COL26A1: variants seen among roughly 807,000 people sequenced by gnomAD.
COL26A1 encodes collagen alpha-1(XXVI) chain.
A neutral mutation model predicts 59.3 loss-of-function variants in COL26A1; 41 were observed. That is an observed-to-expected ratio of 0.69 (90% CI 0.54 to 0.90). The LOEUF (loss-of-function observed/expected upper bound fraction) is 0.90. Among genes scored for constraint, COL26A1 ranks in the 40% least tolerant of loss-of-function variants. The pLI, the probability that COL26A1 is intolerant of heterozygous loss-of-function variation, is 0.00. For synonymous variants in COL26A1, 266 were observed against 256.0 expected (o/e 1.04, Z -0.37); for missense variants, 612 against 602.3 (o/e 1.02, Z -0.17).
chr7:101,433,532 AC>A (rs1469893018), intron 2 of COL26A1, among the ~76,000 whole-genome samples: 1 of 152,024 alleles, frequency 6.6e-6, no homozygotes, highest in Non-Finnish European at 1.5e-5. Context: ...CTTCTGAGAC[AC>A]CCCATAGGAT....
intron 3 of COL26A1, among the ~76,000 whole-genome samples, chr7:101,518,682 C>G (rs141506280): frequency 1.3e-5 from 2 of 152,304 alleles, no homozygotes; most frequent in Non-Finnish European, 2.9e-5. Flanking sequence ...GAAATCCACC[C>G]AAGAGAAGCA....
intron 3 of COL26A1, among the ~76,000 whole-genome samples, chr7:101,470,106 GT>G (rs1414523604): frequency 9.0e-4 from 129 of 143,710 alleles, no homozygotes; most frequent in Non-Finnish European, 1.3e-3. Flanking sequence ...CTTTTTTTTT[GT>G]TTTTTTTTTT....
intron 3 of COL26A1, among the ~76,000 whole-genome samples, chr7:101,479,615 A>G (rs1197852119): frequency 6.6e-6 from 1 of 152,182 alleles, no homozygotes; most frequent in Non-Finnish European, 1.5e-5. Flanking sequence ...TTACTTACCC[A>G]TTTAAGACTC....
chr7:101,434,012 A>G, intron 2 of COL26A1, among the ~76,000 whole-genome samples: 1 of 141,558 alleles, frequency 7.1e-6, no homozygotes, highest in South Asian at 2.2e-4. Context: ...TTCTTTGTGG[A>G]TTTTCCCATC....
At chr7:101,474,076 C>G (rs1265891646) in intron 3 of COL26A1, among the ~76,000 whole-genome samples, 1 of 152,126 alleles carries the variant, frequency 6.6e-6, no homozygotes, top group African/African-American at 2.4e-5. Context: ...GCTGGCAAAG[C>G]CCTGAGCCCT....
chr7:101,527,088 A>T (rs986119075), intron 3 of COL26A1, among the ~76,000 whole-genome samples: 5 of 151,840 alleles, frequency 3.3e-5, no homozygotes, highest in Non-Finnish European at 7.4e-5. Context: ...CTCCCACCTC[A>T]GCCTCCTGAG....
At chr7:101,460,399 A>G (rs1370514688) in intron 3 of COL26A1, among the ~76,000 whole-genome samples, 1 of 152,070 alleles carries the variant, frequency 6.6e-6, no homozygotes, top group African/African-American at 2.4e-5. Context: ...TTCACCATGC[A>G]TCCTCTCTCT....
At chr7:101,380,297 T>G (rs958188213) in intron 1 of COL26A1, among the ~76,000 whole-genome samples, 1 of 149,936 alleles carries the variant, frequency 6.7e-6, no homozygotes, top group Non-Finnish European at 1.5e-5. Context: ...GCTACATTTT[T>G]TTTTTTTTTT....
chr7:101,447,574 G>A (rs1793228305), intron 2 of COL26A1, 110 bp from the exon 3 acceptor site: 1 of 700,002 alleles, frequency 1.4e-6, no homozygotes, highest in African/African-American at 1.8e-5. Context: ...CGCCATGGGG[G>A]CCTCCCGGAG....
In COL26A1 at chr7:101,483,675, C is replaced by CTTT. The variant is rs34954444; in HGVS notation, c.385+35889_385+35891dup. On this transcript the variant is annotated intron_variant, in intron 3 of 12. Transcript: ENST00000313669. The stretch of plus-strand genomic sequence containing the variant: ...GATGCATGCCACCATGTCCAGCTAA[C>CTTT]TTTGTTTTTTTTTTGAGACAGTGTC... Among the ~76,000 whole-genome samples the CTTT allele has an allele frequency of 2.8e-4, 42 of 147,782 alleles. 2 individuals carry two copies. Among genetic ancestry groups the CTTT allele is most frequent in the African/African-American group, 5.6e-4 (22 of 39,434 alleles).
chr7:101,556,631 G>C (rs577193308), intron 12 of COL26A1, among the ~76,000 whole-genome samples: 3 of 151,154 alleles, frequency 2.0e-5, no homozygotes, highest in African/African-American at 7.3e-5. Context: ...GGACAGGTGG[G>C]TGGGTGAATG....
chr7:101,437,259 T>A (rs1792937789), intron 2 of COL26A1, among the ~76,000 whole-genome samples: 1 of 152,026 alleles, frequency 6.6e-6, no homozygotes, highest in African/African-American at 2.4e-5. Context: ...GGACCGAGTG[T>A]GGGCTAGTCA....
At chr7:101,408,436 ACT>A (rs1272543336) in intron 1 of COL26A1, among the ~76,000 whole-genome samples, 1 of 152,104 alleles carries the variant, frequency 6.6e-6, no homozygotes, top group Non-Finnish European at 1.5e-5. Context: ...GGATGAGGTG[ACT>A]CTGAGCAGCT....
chr7:101,510,274 T>G (rs758007771), intron 3 of COL26A1, among the ~76,000 whole-genome samples: 2 of 152,042 alleles, frequency 1.3e-5, no homozygotes, highest in African/African-American at 2.4e-5. Context: ...AATCCTCCCA[T>G]CTTGGCTTTC....
At chr7:101,484,505 G>A (rs544660533) in intron 3 of COL26A1, among the ~76,000 whole-genome samples, 2 of 151,694 alleles carry the variant, frequency 1.3e-5, no homozygotes, top group Non-Finnish European at 2.9e-5. Context: ...TGAGTTGCTG[G>A]GATTACAGGT....
intron 3 of COL26A1, among the ~76,000 whole-genome samples, chr7:101,527,384 G>A (rs1795270017): frequency 6.6e-6 from 1 of 151,962 alleles, no homozygotes; most frequent in African/African-American, 2.4e-5. Context: ...CTGGAGTGCA[G>A]TGGCACGATC....
chr7:101,385,205 A>G (rs1791536137), intron 1 of COL26A1, among the ~76,000 whole-genome samples: 1 of 61,304 alleles, frequency 1.6e-5, no homozygotes, highest in African/African-American at 7.9e-5. Context: ...TCAATTTGAC[A>G]CTATATATAC....
At chr7:101,506,943 C>T (rs896025754) in intron 3 of COL26A1, among the ~76,000 whole-genome samples, 1 of 151,654 alleles carries the variant, frequency 6.6e-6, no homozygotes, top group African/African-American at 2.4e-5. Context: ...TTTTTTCCCC[C>T]TCACTCTATT....
At chr7:101,548,380 G>A (rs946950982) in intron 8 of COL26A1, among the ~76,000 whole-genome samples, 32 of 152,176 alleles carry the variant, frequency 2.1e-4, no homozygotes, top group Middle Eastern at 3.2e-3. Flanking sequence ...TCCCTGAGCT[G>A]GGCACACACA....
Sources: gnomAD v4.1 joint callset for allele counts (sites outside exome capture counted in the v4.1 genomes callset) on GRCh38, gnomAD v4.1.1 for gene constraint, MANE v1.5 for transcripts, NCBI Gene and HGNC (gene_info 2026-07-23, HGNC 2026-07-21) for gene names.